HARS2: variants seen among roughly 807,000 people sequenced by gnomAD.
HARS2 encodes histidyl-tRNA synthetase 2, mitochondrial.
In HARS2, 40 loss-of-function variants were observed where a neutral mutation model predicts 62.4. The ratio of observed to expected loss-of-function variants is 0.64; its 90% CI spans 0.50 to 0.83. The LOEUF (loss-of-function observed/expected upper bound fraction) is 0.83. Ranked by LOEUF, HARS2 falls within the 40% of genes least tolerant of loss-of-function variation. The pLI is 0.00. For missense variants in HARS2, 569 were observed against 626.4 expected (o/e 0.91, Z 0.98); for synonymous variants, 228 against 227.0 (o/e 1.00, Z -0.04).
Position 140,695,653 on chromosome 5 carries a change from C to G in HARS2, c.525+20C>G. On this transcript the variant is annotated intron_variant, in intron 5 of 12. Transcript: ENST00000230771. ...CAGTGTGTAAGTGACCTGATGGGAGCAGCACAGTTTGATAGTTCTAGGGGC... is the reference window on the plus strand; with the variant it reads ...CAGTGTGTAAGTGACCTGATGGGAGGAGCACAGTTTGATAGTTCTAGGGGC... 6.2e-7 allele frequency: 1 copy of G among 1,614,186 alleles called. No individual in the cohort carries two copies. The highest frequency in any genetic ancestry group is 8.5e-7 in the Non-Finnish European group (1 of 1,180,024).
At position 140,694,267 on chromosome 5, in the gene HARS2, G is replaced by T. The variant is rs151312766; in HGVS notation, c.386G>T (p.Arg129Leu). ...CAAGGTGGAGAGCTGTTGTCCCTCC[G>T]CTATGACCTTACTGTATCCTTTTGA... is the stretch of plus-strand genomic sequence containing the variant. ...KDQGGELLSL[R>L]YDLTVPFARY... Residue 129 changes from arginine (R) to leucine (L), a missense_variant, in exon 4 of 13, where the codon CGC (arginine) becomes CTC (leucine). By Grantham distance (102) the Arg-to-Leu change is moderately radical. Transcript: ENST00000230771. 4 of 1,607,354 alleles carry T rather than the reference G, an allele frequency of 2.5e-6. No individual in the cohort carries two copies. Among genetic ancestry groups the T allele is most frequent in the Non-Finnish European group, 3.4e-6 (4 of 1,173,756 alleles).
In HARS2 at chr5:140,698,693, G is replaced by T; in HGVS notation, c.*141G>T. On this transcript the variant is annotated 3_prime_UTR_variant, in exon 13 of 13. Coordinates refer to ENST00000230771, the MANE Select transcript of HARS2 (RefSeq NM_012208.4). ...CTTCTGCCTCCTCCATTCTTCCTGG[G>T]TGCAGAACTGTAGAAGACCCTGAGG... 1 of 786,244 alleles carries T rather than the reference G, an allele frequency of 1.3e-6. No homozygotes were observed. 48.7% of individuals were successfully genotyped at this position (786,244 alleles called of 1,614,324 possible). A position where few individuals can be genotyped will look rare whatever the true frequency, so the allele number is the denominator to read the frequency against.
intron 4 of HARS2, among the ~76,000 whole-genome samples, chr5:140,694,645 C>T (rs1399060298): frequency 2.0e-5 from 3 of 152,182 alleles, no homozygotes; most frequent in South Asian, 2.1e-4. Flanking sequence ...GCAGGTGGAT[C>T]ACCTGAGGTC....
At position 140,695,588 on chromosome 5, in the gene HARS2, G is replaced by A; in HGVS notation, c.480G>A (p.Glu160=). The part of the protein sequence containing the change: ...RYHVGKVWRR[E]SPTIVQGRYR... ...ATGTTGGAAAGGTGTGGCGGCGAGA[G>A]AGCCCAACCATAGTCCAAGGCCGTT... Residue 160 remains glutamate (E), a synonymous_variant, in exon 5 of 13, where the codon GAG becomes GAA. Coordinates refer to ENST00000230771, the MANE Select transcript of HARS2 (RefSeq NM_012208.4). 2 of 1,614,240 alleles carry A rather than the reference G, an allele frequency of 1.2e-6. No homozygotes were observed. The highest frequency in any genetic ancestry group is 1.7e-6 in the Non-Finnish European group (2 of 1,180,048).
chr5:140,694,314 CTT>C, intron 4 of HARS2, 34 bp downstream of exon 4: 1 of 1,428,616 alleles, frequency 7.0e-7, no homozygotes, highest in South Asian at 1.1e-5. Flanking sequence ...TGACCTGTCT[CTT>C]TCCAAATCCA....
intron 8 of HARS2, 112 bp downstream of exon 8, chr5:140,696,726 G>GTCC (rs909787805): frequency 3.2e-6 from 3 of 944,164 alleles, no homozygotes; most frequent in Non-Finnish European, 5.2e-6. Flanking sequence ...TCCAGGGCCT[G>GTCC]TCCTGAATTT....
intron 2 of HARS2, 84 bp from the exon 3 acceptor site, chr5:140,693,851 A>G: frequency 6.7e-7 from 1 of 1,494,766 alleles, no homozygotes; most frequent in Admixed American, 1.7e-5. Flanking sequence ...ACCTGAGATT[A>G]CATAATAAGT....
chr5:140,697,038 G>C lies in HARS2; in HGVS notation c.922G>C (p.Glu308Gln). The C allele has an allele frequency of 6.2e-7, 1 of 1,614,082 alleles. No individual in the cohort carries two copies. The highest frequency in any genetic ancestry group is 8.5e-7 in the Non-Finnish European group (1 of 1,180,018). Residue 308 changes from glutamate to glutamine, a missense_variant, in exon 9 of 13, where the codon GAA becomes CAA. Glu to Gln is a conservative substitution (Grantham distance 29). Coordinates refer to ENST00000230771, the MANE Select transcript of HARS2 (RefSeq NM_012208.4). ...CCTGGGAGACCTAAAGCTGCTATTT[G>C]AATACCTGACTTTATTTGGAATTGC... ...EGLGDLKLLF[E>Q]YLTLFGIADK...
intron 2 of HARS2, 128 bp downstream of exon 2, chr5:140,693,793 A>G: frequency 4.2e-6 from 5 of 1,196,960 alleles, no homozygotes; most frequent in Middle Eastern, 1.9e-4. Context: ...TTCTTGAGAT[A>G]CTAGGTGCGG....
chr5:140,694,460 G>A (rs1162462830), intron 4 of HARS2, among the ~76,000 whole-genome samples, 180 bp downstream of exon 4: 1 of 152,246 alleles, frequency 6.6e-6, no homozygotes, highest in Non-Finnish European at 1.5e-5. Flanking sequence ...TAACTCTAGT[G>A]TGTATCATAA....
intron 4 of HARS2, 49 bp from the exon 5 acceptor site, chr5:140,695,459 G>C: frequency 6.2e-7 from 1 of 1,610,864 alleles, no homozygotes; most frequent in Non-Finnish European, 8.5e-7. Context: ...TGTATACTGG[G>C]CCTAATCTTT....
intron 8 of HARS2, 106 bp downstream of exon 8, chr5:140,696,720 G>A (rs937833530): frequency 2.1e-6 from 2 of 948,658 alleles, no homozygotes; most frequent in African/African-American, 1.6e-5. Context: ...CTAAGCTCCA[G>A]GGCCTGTCCT....
intron 2 of HARS2, 115 bp downstream of exon 2, chr5:140,693,780 C>G: frequency 2.4e-6 from 3 of 1,225,222 alleles, no homozygotes; most frequent in Non-Finnish European, 3.6e-6. Context: ...AAAATATATA[C>G]TATTCTTGAG....
intron 7 of HARS2, 39 bp from the exon 8 acceptor site, chr5:140,696,482 A>G: frequency 6.9e-7 from 1 of 1,455,738 alleles, no homozygotes. Flanking sequence ...TGAGAAAGAA[A>G]GATCTTGGGG....
In HARS2 at chr5:140,696,588, G is replaced by T. The variant is rs1235948749; in HGVS notation, c.800G>T (p.Arg267Leu). The T allele has an allele frequency of 3.7e-6, 6 of 1,612,248 alleles. No homozygotes were observed. The highest frequency in any genetic ancestry group is 5.1e-6 in the Non-Finnish European group (6 of 1,178,382). ...KKGLAPEVAD[R>L]IGDYVQCHGG... is the part of the protein sequence containing the mutation. The stretch of plus-strand genomic sequence containing the variant: ...GGCCTGGCTCCTGAGGTGGCTGATC[G>T]AATTGGGGACTATGTCCAGTGTCAT... Residue 267 changes from arginine (R) to leucine (L), a missense_variant, in exon 8 of 13, where the codon CGA becomes CTA. Physicochemically the swap from Arg to Leu is moderately radical, Grantham distance 102 (BLOSUM62 -2). Transcript: ENST00000230771.
In HARS2 at chr5:140,698,740, G is replaced by A. The variant is rs1759864648; in HGVS notation, c.*188G>A. 2 of 664,496 alleles carry A rather than the reference G, an allele frequency of 3.0e-6. No homozygotes were observed. The highest frequency in any genetic ancestry group is 1.8e-5 in the African/African-American group (1 of 55,692). 41.2% of individuals were successfully genotyped at this position (664,496 alleles called of 1,614,324 possible). On this transcript the variant is annotated 3_prime_UTR_variant, in exon 13 of 13. Transcript: ENST00000230771. ...GAGGACTCCTGGGCTAGTGTGAGCA[G>A]CTATTCTGCATGGGTGCAGATGGCT...
intron 4 of HARS2, 93 bp from the exon 5 acceptor site, chr5:140,695,415 T>C: frequency 1.4e-6 from 2 of 1,434,580 alleles, no homozygotes; most frequent in East Asian, 2.3e-5. Context: ...CTTACCCTAG[T>C]GGATGAGATC....
intron 1 of HARS2, chr5:140,692,114 A>G: frequency 3.8e-6 from 1 of 263,630 alleles, no homozygotes; most frequent in African/African-American, 2.2e-5. Flanking sequence ...ATTCCTAGTA[A>G]ATGAGATGAC....
Position 140,691,484 on chromosome 5 carries a change from A to G in HARS2, c.-165A>G, listed in dbSNP as rs1759449214. The G allele has an allele frequency of 4.2e-6, 3 of 713,014 alleles. No homozygotes were observed. The highest frequency in any genetic ancestry group is 4.5e-5 in the Admixed American group (2 of 44,146). The allele number at this position is 713,014 out of a possible 1,614,324, so 44.2% of individuals were successfully genotyped here. On this transcript the variant is annotated 5_prime_UTR_variant, in exon 1 of 13. Coordinates refer to ENST00000230771, the MANE Select transcript of HARS2 (RefSeq NM_012208.4). ...AAGCTGGCTACTAAGGGAACTTGGG[A>G]GGATCCCACCTCAGCCTTCGTGACT...
Sources: allele counts gnomAD v4.1 joint callset (sites outside exome capture counted in the v4.1 genomes callset), GRCh38; gene constraint gnomAD v4.1.1; transcripts MANE v1.5; gene names NCBI Gene and HGNC (gene_info 2026-07-23, HGNC 2026-07-21).